Variants in DDX10 observed in about 807,000 individuals in gnomAD.
DDX10 encodes DEAD-box helicase 10, also known as probable ATP-dependent RNA helicase DDX10.
In DDX10, 74 loss-of-function variants were observed where a neutral mutation model predicts 104.3. That is an observed-to-expected ratio of 0.71 (90% CI 0.59 to 0.86). The LOEUF is 0.86. DDX10 is among the 40% of genes least tolerant of loss of function. DDX10 has a pLI of 0.00. For missense variants in DDX10, 952 were observed against 1,040.0 expected, an observed-to-expected ratio of 0.92 and a Z score of 1.16; for synonymous variants, 351 against 353.4, an observed-to-expected ratio of 0.99 and a Z score of 0.08.
At position 108,704,534 on chromosome 11, in the gene DDX10, T is replaced by G. The variant is rs570478298; in HGVS notation, c.1224-2205T>G. Among the ~76,000 whole-genome samples, 37 of 152,280 alleles carry G rather than the reference T, an allele frequency of 2.4e-4. No homozygotes were observed. In the South Asian group the frequency reaches 7.0e-3, roughly 29 times the overall value. Reference sequence around the variant, plus strand: ...TCTTTCCTTGGTGGAGTGTGAGAGCTTCAGAAGTTACGACATCTCTCCATT... The same window carrying G: ...TCTTTCCTTGGTGGAGTGTGAGAGCGTCAGAAGTTACGACATCTCTCCATT... On this transcript the variant is annotated intron_variant, in intron 9 of 17. Transcript: ENST00000322536.
At chr11:108,863,469 A>G (rs1862966574) in intron 16 of DDX10, among the ~76,000 whole-genome samples, 1 of 152,138 alleles carries the variant, frequency 6.6e-6, no homozygotes, top group Non-Finnish European at 1.5e-5. Flanking sequence ...TTTCCCCCTT[A>G]CTACAGATAC....
intron 16 of DDX10, among the ~76,000 whole-genome samples, chr11:108,863,088 C>A (rs962528575): frequency 6.6e-6 from 1 of 152,138 alleles, no homozygotes; most frequent in Non-Finnish European, 1.5e-5. Context: ...TTTTTCCATG[C>A]GCATCTTATG....
chr11:108,843,600 A>G (rs1862671096), intron 15 of DDX10, among the ~76,000 whole-genome samples: 1 of 151,924 alleles, frequency 6.6e-6, no homozygotes, highest in Non-Finnish European at 1.5e-5. Context: ...TACTAAAAAT[A>G]CAAAAATTAG....
intron 13 of DDX10, among the ~76,000 whole-genome samples, chr11:108,799,588 C>T (rs1861990163): frequency 1.3e-5 from 2 of 152,186 alleles, no homozygotes; most frequent in South Asian, 4.1e-4. Flanking sequence ...AATTCATGAC[C>T]TTCAATGGTT....
chr11:108,667,570 C>G (rs913816311), intron 1 of DDX10, among the ~76,000 whole-genome samples: 20 of 152,092 alleles, frequency 1.3e-4, no homozygotes, highest in African/African-American at 4.8e-4. Context: ...TTCAAAAAAC[C>G]GAAGTTATTA....
rs1413847703 is a variant in DDX10, at chr11:108,665,080, A to G, written c.-74A>G. 3.4e-6 allele frequency: 5 copies of G among 1,468,182 alleles called. No homozygotes were observed. In the Admixed American group the frequency reaches 1.1e-4, roughly 32 times the overall value. 90.9% of individuals were successfully genotyped at this position (1,468,182 alleles called of 1,614,324 possible). A position where few individuals can be genotyped will look rare whatever the true frequency, so the allele number is the denominator to read the frequency against. ...GCATGCGCCTCTGTGCGTTTGTCCC[A>G]TGCTGGTTCCGTGAGTCTGGCCTTA... On this transcript the variant is annotated 5_prime_UTR_variant, in exon 1 of 18. The change abolishes an upstream ATG in the 5' untranslated region. Transcript: ENST00000322536.
intron 13 of DDX10, among the ~76,000 whole-genome samples, chr11:108,818,032 TA>T: frequency 6.6e-6 from 1 of 152,304 alleles, no homozygotes; most frequent in South Asian, 2.1e-4. Context: ...TACCTGTCTT[TA>T]AAGTAAACTG....
At chr11:108,776,048 C>T (rs533800553) in intron 13 of DDX10, among the ~76,000 whole-genome samples, 2 of 152,268 alleles carry the variant, frequency 1.3e-5, no homozygotes, top group African/African-American at 4.8e-5. Flanking sequence ...TAGCTGTTCA[C>T]TTGTATATGG....
intron 10 of DDX10, among the ~76,000 whole-genome samples, chr11:108,711,626 C>T (rs2094284502): frequency 1.3e-5 from 2 of 152,216 alleles, no homozygotes. Flanking sequence ...AGCCATTGTG[C>T]CTGGCCTCTG....
intron 4 of DDX10, among the ~76,000 whole-genome samples, chr11:108,677,752 A>G (rs568819982): frequency 1.3e-5 from 2 of 150,430 alleles, no homozygotes; most frequent in African/African-American, 4.9e-5. Flanking sequence ...GAGGATAAAT[A>G]CTTCAATTTT....
chr11:108,900,338 C>A (rs1472583646), intron 16 of DDX10, among the ~76,000 whole-genome samples: 1 of 152,182 alleles, frequency 6.6e-6, no homozygotes, highest in African/African-American at 2.4e-5. Flanking sequence ...TGGTCTAATA[C>A]ACCTGGCTAA....
chr11:108,817,964 AT>A (rs1375391204), intron 13 of DDX10, among the ~76,000 whole-genome samples: 1 of 152,212 alleles, frequency 6.6e-6, no homozygotes, highest in Non-Finnish European at 1.5e-5. Context: ...AGCTTTTCTT[AT>A]TTCAACAACT....
intron 10 of DDX10, among the ~76,000 whole-genome samples, chr11:108,714,751 T>C (rs1711695719): frequency 7.0e-6 from 1 of 142,414 alleles, no homozygotes; most frequent in Admixed American, 6.7e-5. Context: ...AGAATCTTAC[T>C]TGTATTGGCG....
chr11:108,719,810 A>T lies in DDX10; in HGVS notation c.1424A>T (p.Tyr475Phe). ...KERAQRCFVS[Y>F]VRSVYLMKDK... ...CTTAATTTACAGTGTTTCGTCTCCT[A>T]TGTACGATCTGTATATCTGATGAAG... Residue 475 changes from tyrosine to phenylalanine, a missense_variant, in exon 12 of 18, where the codon TAT becomes TTT. Tyr to Phe is a conservative substitution (Grantham distance 22, BLOSUM62 3). This residue lies in a region of DDX10 where 533 missense variants were observed against 534.1 expected (regional missense o/e 1.00). Transcript: ENST00000322536. 6.2e-7 allele frequency: 1 copy of T among 1,602,214 alleles called. No individual in the cohort carries two copies. Among genetic ancestry groups the T allele is most frequent in the South Asian group, 1.1e-5 (1 of 90,724 alleles).
chr11:108,716,245 G>A (rs892107712), intron 11 of DDX10, among the ~76,000 whole-genome samples: 6 of 151,950 alleles, frequency 3.9e-5, no homozygotes, highest in Non-Finnish European at 5.9e-5. Context: ...ACAGGTGTGC[G>A]CCACTACCAC....
At chr11:108,685,434 C>T (rs1475237917) in intron 6 of DDX10, among the ~76,000 whole-genome samples, 4 of 151,726 alleles carry the variant, frequency 2.6e-5, no homozygotes, top group East Asian at 3.9e-4. Flanking sequence ...CACTGTCTGG[C>T]ACTCCCTAGT....
intron 13 of DDX10, among the ~76,000 whole-genome samples, chr11:108,824,632 G>A (rs148663948): frequency 1.3e-5 from 2 of 152,016 alleles, no homozygotes; most frequent in Admixed American, 6.5e-5. Flanking sequence ...ATCAGGCACC[G>A]TTTCTCTAAA....
intron 13 of DDX10, among the ~76,000 whole-genome samples, chr11:108,754,005 A>G (rs1466077607): frequency 6.6e-6 from 1 of 151,934 alleles, no homozygotes; most frequent in Admixed American, 6.6e-5. Context: ...CAAGATATTA[A>G]TTTCCTGATT....
chr11:108,766,283 T>G (rs1405472312), intron 13 of DDX10, among the ~76,000 whole-genome samples: 1 of 152,222 alleles, frequency 6.6e-6, no homozygotes, highest in Non-Finnish European at 1.5e-5. Flanking sequence ...TATCCGCTGT[T>G]ACGTATTCCC....
Sources: allele counts gnomAD v4.1 joint callset (sites outside exome capture counted in the v4.1 genomes callset), GRCh38; gene constraint gnomAD v4.1.1; regional missense constraint gnomAD v4.1.1; transcripts MANE v1.5; gene names NCBI Gene and HGNC (gene_info 2026-07-23, HGNC 2026-07-21).